ANK1: variants seen among roughly 807,000 people sequenced by gnomAD.
ANK1 encodes ankyrin 1.
ANK1 carries 51 observed loss-of-function variants against 210.4 expected under a neutral mutation model. That is an observed-to-expected ratio of 0.24 (90% CI 0.19 to 0.31). The LOEUF (loss-of-function observed/expected upper bound fraction) is 0.31, where lower values mean the gene tolerates loss of function less well. Among genes scored for constraint, ANK1 ranks in the 10% least tolerant of loss-of-function variants. ANK1 has a pLI of 1.00. For synonymous variants in ANK1, 967 were observed against 1,025.9 expected (o/e 0.94, Z 1.10); for missense variants, 2,051 against 2,504.4 (o/e 0.82, Z 3.86).
chr8:41,782,994 A>T (rs189544995), intron 1 of ANK1, among the ~76,000 whole-genome samples: 22 of 152,344 alleles, frequency 1.4e-4, no homozygotes, highest in African/African-American at 4.3e-4. Context: ...TGATTGAATG[A>T]TTTTCTCATT....
intron 16 of ANK1, among the ~76,000 whole-genome samples, chr8:41,713,186 T>G (rs895049391): frequency 3.9e-5 from 6 of 152,238 alleles, no homozygotes; most frequent in African/African-American, 1.4e-4. Context: ...CTTGGATGCC[T>G]GCCACATGAC....
chr8:41,885,260 T>C (rs527568105), intron 1 of ANK1, among the ~76,000 whole-genome samples: 115 of 152,262 alleles, frequency 7.6e-4, no homozygotes, highest in Non-Finnish European at 1.3e-3. Context: ...CTGTGTCTTG[T>C]AAGTCCTGTG....
chr8:41,790,511 G>A (rs1472695339), intron 1 of ANK1, among the ~76,000 whole-genome samples: 1 of 152,018 alleles, frequency 6.6e-6, no homozygotes, highest in Non-Finnish European at 1.5e-5. Context: ...CAGGGAGCGA[G>A]CTTCCCCTTC....
intron 38 of ANK1, among the ~76,000 whole-genome samples, chr8:41,671,987 A>C (rs1201748144): frequency 2.4e-4 from 24 of 99,284 alleles, no homozygotes; most frequent in East Asian, 9.3e-4. Flanking sequence ...TGAGCACTCC[A>C]GGCACCCTAA....
At chr8:41,834,438 C>G (rs1182571113) in intron 1 of ANK1, among the ~76,000 whole-genome samples, 1 of 152,230 alleles carries the variant, frequency 6.6e-6, no homozygotes, top group Non-Finnish European at 1.5e-5. Flanking sequence ...GGGTTTTGTT[C>G]TTGCAAACCC....
At chr8:41,847,625 A>G (rs1161834727) in intron 1 of ANK1, among the ~76,000 whole-genome samples, 2 of 152,220 alleles carry the variant, frequency 1.3e-5, no homozygotes, top group Admixed American at 6.5e-5. Flanking sequence ...TTACACATGC[A>G]GAGATTCAGA....
At chr8:41,884,175 C>A (rs112546858) in intron 1 of ANK1, among the ~76,000 whole-genome samples, 4 of 152,190 alleles carry the variant, frequency 2.6e-5, no homozygotes, top group Non-Finnish European at 5.9e-5. Context: ...TATGGTGAAA[C>A]CCTGTCTCCA....
chr8:41,884,335 G>A (rs977567876), intron 1 of ANK1, among the ~76,000 whole-genome samples: 2 of 152,160 alleles, frequency 1.3e-5, no homozygotes, highest in African/African-American at 4.8e-5. Flanking sequence ...GCAACAGAGT[G>A]AGAATCTGTC....
rs149132183 is a variant in ANK1 at position 41,695,221 on chromosome 8, T to C, written c.3071A>G (p.Tyr1024Cys). Residue 1024 changes from tyrosine (Y) to cysteine (C), a missense_variant, in exon 27 of 43, where the codon TAT becomes TGT. By Grantham distance (194) the Tyr-to-Cys change is radical (BLOSUM62 -2). Transcript: ENST00000289734. ...GSVWKEHRSR[Y>C]GESYLDQILN... The stretch of plus-strand genomic sequence containing the variant: ...GATCTGATCCAGGTAGCTCTCTCCA[T>C]AGCGGCTCCTGTGCTCCTTCCACAC... The C allele has an allele frequency of 6.2e-7, 1 of 1,614,078 alleles. No homozygotes were observed. Among genetic ancestry groups the C allele is most frequent in the Non-Finnish European group, 8.5e-7 (1 of 1,180,030 alleles).
intron 3 of ANK1, among the ~76,000 whole-genome samples, chr8:41,730,856 T>C (rs1411973495): frequency 1.3e-5 from 2 of 152,214 alleles, no homozygotes; most frequent in Non-Finnish European, 2.9e-5. Context: ...ACAGAAGGCC[T>C]GGGCCAGCAT....
intron 1 of ANK1, among the ~76,000 whole-genome samples, chr8:41,864,940 G>A (rs1248187901): frequency 2.6e-5 from 4 of 152,210 alleles, no homozygotes. Flanking sequence ...CTCAGGCTCA[G>A]AGCACTGACC....
chr8:41,708,772 G>A lies in ANK1; in HGVS notation c.1998+6C>T. 1.2e-6 allele frequency: 2 copies of A among 1,613,588 alleles called. No individual in the cohort carries two copies. Among genetic ancestry groups the A allele is most frequent in the Non-Finnish European group, 1.7e-6 (2 of 1,180,034 alleles). Reference sequence around the variant, plus strand: ...TCCAGGGCAGATCCGAAGACACCATGCCTACCTTGTTCCCCAGGTTGCCAT... The same window carrying A: ...TCCAGGGCAGATCCGAAGACACCATACCTACCTTGTTCCCCAGGTTGCCAT... On this transcript the variant is annotated splice_donor_region_variant and intron_variant, in intron 17 of 42. Coordinates refer to ENST00000289734, the MANE Select transcript of ANK1 (RefSeq NM_000037.4).
intron 18 of ANK1, among the ~76,000 whole-genome samples, chr8:41,705,632 C>T (rs934213348): frequency 2.0e-5 from 3 of 152,210 alleles, no homozygotes; most frequent in Non-Finnish European, 4.4e-5. Context: ...ACCCTCTCTG[C>T]ACTCTGTGCT....
intron 1 of ANK1, among the ~76,000 whole-genome samples, chr8:41,864,264 A>G (rs929176810): frequency 5.3e-5 from 8 of 151,980 alleles, no homozygotes; most frequent in Non-Finnish European, 1.2e-4. Context: ...AAAAAAAAAA[A>G]AAAGGGTACC....
At chr8:41,748,131 A>T (rs1278222004) in intron 2 of ANK1, among the ~76,000 whole-genome samples, 3 of 152,182 alleles carry the variant, frequency 2.0e-5, no homozygotes, top group Non-Finnish European at 4.4e-5. Flanking sequence ...TGCCAGGCAT[A>T]GGGGCACCTA....
At chr8:41,794,608 G>A (rs1426409969) in intron 1 of ANK1, among the ~76,000 whole-genome samples, 1 of 152,184 alleles carries the variant, frequency 6.6e-6, no homozygotes, top group Non-Finnish European at 1.5e-5. Flanking sequence ...CAAGGACAGA[G>A]TTTTTGTCAG....
At chr8:41,792,454 C>T (rs559360702) in intron 1 of ANK1, among the ~76,000 whole-genome samples, 4 of 152,194 alleles carry the variant, frequency 2.6e-5, no homozygotes, top group Non-Finnish European at 2.9e-5. Flanking sequence ...TCTGGGCAAG[C>T]GAAGGAGAAG....
chr8:41,885,474 AG>A lies in ANK1; in HGVS notation c.126+10880del, dbSNP rs569196900. On this transcript the variant is annotated intron_variant, in intron 1 of 42. Coordinates refer to the ANK1 transcript ENST00000265709. ...TACCATAGTTAAGTGCAACAGCTCA[AG>A]AACTTGGTAAAACACCACGATTTCC... is the stretch of plus-strand genomic sequence containing the variant. 3.2e-3 allele frequency among the ~76,000 whole-genome samples: 493 copies of A among 152,348 alleles called. 1 individual carries two copies. The highest frequency in any genetic ancestry group is 0.011 in the African/African-American group (463 of 41,572).
rs186024381 is a variant in ANK1 at position 41,728,442 on chromosome 8, A to T, written c.229-436T>A. On this transcript the variant is annotated intron_variant, in intron 3 of 42. Transcript: ENST00000289734. ...GGGTGGGAGGTGGGGGCAATGAGAAATTATCCTTTGGATGGGATGCCCACT... is the reference window on the plus strand; with the variant it reads ...GGGTGGGAGGTGGGGGCAATGAGAATTTATCCTTTGGATGGGATGCCCACT... Among the ~76,000 whole-genome samples, 563 of 152,324 alleles carry T rather than the reference A, an allele frequency of 3.7e-3. 4 individuals carry two copies. The highest frequency in any genetic ancestry group is 5.4e-3 in the Non-Finnish European group (368 of 68,024).
Sources: allele counts gnomAD v4.1 joint callset (sites outside exome capture counted in the v4.1 genomes callset), GRCh38; gene constraint gnomAD v4.1.1; transcripts MANE v1.5; gene names NCBI Gene and HGNC (gene_info 2026-07-23, HGNC 2026-07-21).